Variants in ILDR1 observed in about 807,000 individuals in gnomAD.
ILDR1 encodes immunoglobulin-like domain-containing receptor 1.
Under a neutral mutation model 62.4 loss-of-function variants are expected in ILDR1, and 56 were observed. The ratio of observed to expected loss-of-function variants is 0.90; its 90% confidence interval spans 0.72 to 1.12. ILDR1 has a LOEUF of 1.12. ILDR1 is among the 50% of genes most tolerant of loss of function. The pLI is 0.00. For synonymous variants in ILDR1, 284 were observed against 277.8 expected, an observed-to-expected ratio of 1.02 and a Z score of -0.22; for missense variants, 736 against 710.6, an observed-to-expected ratio of 1.04 and a Z score of -0.41.
chr3:122,048,250 A>G, the ILDR1 span, among the ~76,000 whole-genome samples: 3 of 152,236 alleles, frequency 2.0e-5, no homozygotes, highest in Non-Finnish European at 4.4e-5. Flanking sequence ...TAATTTTCAT[A>G]TGTTGAATCA....
chr3:122,007,323 TG>T lies in ILDR1; in HGVS notation c.59-163del, dbSNP rs943051631. 5 of 1,514,070 alleles carry T rather than the reference TG, an allele frequency of 3.3e-6. No homozygotes were observed. The African/African-American group carries it at 6.9e-5, about 21-fold the overall frequency. 93.8% of individuals were successfully genotyped at this position (1,514,070 alleles called of 1,614,324 possible). A position where few individuals can be genotyped will look rare whatever the true frequency, so the allele number is the denominator to read the frequency against. ...CTTACTCACCTGGGCAGGCTATGGG[TG>T]GGGTGGGGTGAGAACGCACTCAGCA... On this transcript the variant is annotated intron_variant, in intron 1 of 7. Coordinates refer to ENST00000344209, the MANE Select transcript of ILDR1 (RefSeq NM_001199799.2).
At chr3:122,056,710 A>T in the ILDR1 span, among the ~76,000 whole-genome samples, 4 of 152,248 alleles carry the variant, frequency 2.6e-5, no homozygotes, top group African/African-American at 9.6e-5. Context: ...TGGTTTGAGA[A>T]AAAGCTTTGT....
At chr3:122,039,022 A>G in the ILDR1 span, among the ~76,000 whole-genome samples, 1 of 152,126 alleles carries the variant, frequency 6.6e-6, no homozygotes, top group African/African-American at 2.4e-5. Context: ...GAACTTGAAA[A>G]TAGGTCAACA....
At position 121,993,852 on chromosome 3, in the gene ILDR1, G is replaced by T; in HGVS notation, c.897C>A (p.Ala299=). The T allele has an allele frequency of 1.2e-6, 2 of 1,614,130 alleles. No individual in the cohort carries two copies. The highest frequency in any genetic ancestry group is 1.7e-6 in the Non-Finnish European group (2 of 1,180,018). The change falls in exon 7 of 8, where the codon GCC becomes GCA. Residue 299 remains alanine (A), a synonymous_variant. Transcript: ENST00000344209. ...CTTTGAGGTCAGGGGGCAGAGGCTGGGCCAGGTTGAGGTTCCGCAGTTCTT... is the reference window on the plus strand; with the variant it reads ...CTTTGAGGTCAGGGGGCAGAGGCTGTGCCAGGTTGAGGTTCCGCAGTTCTT... ...LEKELRNLNL[A]QPLPPDLKGR...
At position 122,021,894 on chromosome 3, in the gene ILDR1, G is replaced by C. The variant is rs1304488491; in HGVS notation, c.58+126C>G. The C allele has an allele frequency of 3.5e-6, 3 of 864,652 alleles. No homozygotes were observed. In the African/African-American group the frequency reaches 5.1e-5, roughly 15 times the overall value. 53.6% of individuals were successfully genotyped at this position (864,652 alleles called of 1,614,324 possible). On this transcript the variant is annotated intron_variant, in intron 1 of 7. Coordinates refer to ENST00000344209, the MANE Select transcript of ILDR1 (RefSeq NM_001199799.2). ...AGTCCCCGCACCTCCTGGCGCCCAT[G>C]CCAAGCGCCACCAGAGCGCGGCCCA...
At chr3:121,994,005 T>C in intron 6 of ILDR1, 35 bp from the exon 7 acceptor site, 1 of 1,591,024 alleles carries the variant, frequency 6.3e-7, no homozygotes, top group Non-Finnish European at 8.5e-7. Flanking sequence ...ATAGAACAAA[T>C]GGCCCAAAAC....
the ILDR1 span, among the ~76,000 whole-genome samples, chr3:122,036,461 C>A: frequency 4.0e-5 from 6 of 151,788 alleles, no homozygotes; most frequent in African/African-American, 1.5e-4. Flanking sequence ...TGGTGGTGGG[C>A]ACCTGTAGTC....
chr3:122,038,231 C>G, the ILDR1 span, among the ~76,000 whole-genome samples: 4 of 152,180 alleles, frequency 2.6e-5, no homozygotes, highest in Admixed American at 2.0e-4. Context: ...AAAATAAGAA[C>G]AGAATATAGC....
At chr3:122,028,128 G>T in the ILDR1 span, among the ~76,000 whole-genome samples, 1 of 151,612 alleles carries the variant, frequency 6.6e-6, no homozygotes, top group Non-Finnish European at 1.5e-5. Context: ...GAGATCGAGA[G>T]CATCCTGGCT....
chr3:122,058,204 A>G, the ILDR1 span, among the ~76,000 whole-genome samples: 1 of 152,198 alleles, frequency 6.6e-6, no homozygotes, highest in Non-Finnish European at 1.5e-5. Flanking sequence ...GGCATTACTA[A>G]GAACAGAATG....
At chr3:122,013,333 C>T (rs1402800681) in intron 1 of ILDR1, among the ~76,000 whole-genome samples, 1 of 152,122 alleles carries the variant, frequency 6.6e-6, no homozygotes, top group Admixed American at 6.5e-5. Flanking sequence ...CTAGATGGCA[C>T]TTCCCCTCCT....
At chr3:122,046,175 T>C in the ILDR1 span, among the ~76,000 whole-genome samples, 1 of 151,668 alleles carries the variant, frequency 6.6e-6, no homozygotes, top group Non-Finnish European at 1.5e-5. Context: ...CCTTCACTTA[T>C]GAAGCTTAGT....
the ILDR1 span, among the ~76,000 whole-genome samples, chr3:122,038,571 C>T: frequency 3.3e-5 from 5 of 152,188 alleles, no homozygotes; most frequent in South Asian, 2.1e-4. Flanking sequence ...TTATACAACA[C>T]GTCTAACTTG....
intron 3 of ILDR1, among the ~76,000 whole-genome samples, chr3:122,002,688 G>A (rs552145368): frequency 5.9e-5 from 9 of 151,966 alleles, no homozygotes; most frequent in Middle Eastern, 3.4e-3. Context: ...GTGCCATGGC[G>A]GTTTGCTGCA....
chr3:122,040,180 A>T, the ILDR1 span, among the ~76,000 whole-genome samples: 1 of 152,042 alleles, frequency 6.6e-6, no homozygotes, highest in Non-Finnish European at 1.5e-5. Context: ...TAAACAAATA[A>T]CAAGGGAACA....
intron 1 of ILDR1, among the ~76,000 whole-genome samples, chr3:122,009,536 T>C (rs1035123691): frequency 6.6e-6 from 1 of 152,232 alleles, no homozygotes; most frequent in African/African-American, 2.4e-5. Flanking sequence ...TCTACTGTCC[T>C]TGGCATGAAG....
At chr3:122,034,181 G>A in the ILDR1 span, among the ~76,000 whole-genome samples, 7 of 152,140 alleles carry the variant, frequency 4.6e-5, no homozygotes, top group African/African-American at 1.7e-4. Flanking sequence ...TTTGTTGTTG[G>A]TATATAGAGG....
chr3:122,014,901 C>T (rs1219805805), intron 1 of ILDR1, among the ~76,000 whole-genome samples: 1 of 152,192 alleles, frequency 6.6e-6, no homozygotes, highest in Non-Finnish European at 1.5e-5. Flanking sequence ...AAGTCATTCA[C>T]CCAGGTTAGT....
At chr3:122,008,849 T>C (rs577379688) in intron 1 of ILDR1, among the ~76,000 whole-genome samples, 35 of 152,204 alleles carry the variant, frequency 2.3e-4, no homozygotes, top group African/African-American at 7.7e-4. Flanking sequence ...CGCCTCAGCC[T>C]CCCAAAGTGC....
Sources: allele counts gnomAD v4.1 joint callset (sites outside exome capture counted in the v4.1 genomes callset), GRCh38; gene constraint gnomAD v4.1.1; transcripts MANE v1.5; gene names NCBI Gene and HGNC (gene_info 2026-07-23, HGNC 2026-07-21).